ANKRD17: variants seen among roughly 807,000 people sequenced by gnomAD.
ANKRD17 encodes ankyrin repeat domain 17.
A neutral mutation model predicts 229.7 loss-of-function variants in ANKRD17; 19 were observed. The ratio of observed to expected loss-of-function variants is 0.08; its 90% CI spans 0.06 to 0.12. The LOEUF (loss-of-function observed/expected upper bound fraction) is 0.12, where lower values mean the gene tolerates loss of function less well. Among genes scored for constraint, ANKRD17 ranks in the 10% least tolerant of loss-of-function variants. The probability of loss-of-function intolerance (pLI) is 1.00; values close to 1 mark genes in which losing one functional copy is unlikely to be tolerated. For synonymous variants in ANKRD17, 1,112 were observed against 1,146.1 expected (o/e 0.97, Z 0.60); for missense variants, 2,176 against 3,176.8 (o/e 0.68, Z 7.57).
chr4:73,242,955 G>C (rs1044832720), intron 1 of ANKRD17, among the ~76,000 whole-genome samples: 2 of 152,110 alleles, frequency 1.3e-5, no homozygotes, highest in African/African-American at 2.4e-5. Flanking sequence ...AAAACTAAAA[G>C]GGAGGTAAAA....
At chr4:73,128,011 A>T (rs1373888006) in intron 16 of ANKRD17, among the ~76,000 whole-genome samples, 1 of 152,248 alleles carries the variant, frequency 6.6e-6, no homozygotes, top group African/African-American at 2.4e-5. Flanking sequence ...CTGACTGCAG[A>T]GATCAGGGAT....
chr4:73,250,032 A>C (rs1256113019), intron 1 of ANKRD17, among the ~76,000 whole-genome samples: 1 of 152,168 alleles, frequency 6.6e-6, no homozygotes, highest in African/African-American at 2.4e-5. Context: ...AATATACATA[A>C]TCTATTTTGT....
At chr4:73,241,449 A>T (rs544455587) in intron 1 of ANKRD17, among the ~76,000 whole-genome samples, 129 of 152,306 alleles carry the variant, frequency 8.5e-4, no homozygotes, top group Middle Eastern at 3.4e-3. Flanking sequence ...CACATGCTAC[A>T]ACATAAATGA....
In ANKRD17 at chr4:73,086,922, ATATATATAT is replaced by A. The variant is rs1722231626; in HGVS notation, c.6962-1485_6962-1477del. On this transcript the variant is annotated intron_variant, in intron 29 of 33. Transcript: ENST00000358602. ...CAAAAAAAAAAAAAAAAAAAAAAAT[ATATATATAT>A]ATATATATATATATATATATATCTG... Among the ~76,000 whole-genome samples, 16 of 50,956 alleles carry A rather than the reference ATATATATAT, an allele frequency of 3.1e-4. 2 individuals are homozygous for A. The highest frequency in any genetic ancestry group is 9.8e-4 in the Admixed American group (4 of 4,088). The allele number at this position is 50,956 out of a possible 152,430, so 33.4% of individuals were successfully genotyped here.
intron 18 of ANKRD17, among the ~76,000 whole-genome samples, 174 bp downstream of exon 18, chr4:73,124,739 C>G (rs1028315049): frequency 6.6e-6 from 1 of 152,078 alleles, no homozygotes; most frequent in African/African-American, 2.4e-5. Flanking sequence ...ATTTTTCTGG[C>G]AAGATAGCTT....
chr4:73,115,735 C>A, intron 23 of ANKRD17, 86 bp downstream of exon 23: 1 of 1,044,716 alleles, frequency 9.6e-7, no homozygotes, highest in Non-Finnish European at 1.4e-6. Flanking sequence ...ACATATTACA[C>A]TTTACTACTC....
chr4:73,207,091 T>A (rs1739566897), intron 1 of ANKRD17, among the ~76,000 whole-genome samples: 1 of 152,182 alleles, frequency 6.6e-6, no homozygotes, highest in South Asian at 2.1e-4. Context: ...CCCAAAGTGC[T>A]AGGATTACAG....
rs550667769 is a variant in ANKRD17, at chr4:73,102,417, T to G, written c.4532A>C (p.Glu1511Ala). The G allele has an allele frequency of 3.1e-6, 5 of 1,603,046 alleles. No homozygotes were observed. In the East Asian group the frequency reaches 8.9e-5, roughly 29 times the overall value. ...TTCTTTTTCTTGAGCAGCTTGGAGT[T>G]CAAAGTTCTCTTTATTTTTGGCTTC... ...EIEAKNKENF[E>A]LQAAQEKEKL... is the part of the protein sequence containing the mutation. Residue 1511 changes from glutamate (E) to alanine (A), a missense_variant, in exon 25 of 34, where the codon GAA becomes GCA. Glu to Ala is a moderately radical substitution (Grantham distance 107). Coordinates refer to ENST00000358602, the MANE Select transcript of ANKRD17 (RefSeq NM_032217.5).
At chr4:73,205,621 C>A (rs1739340404) in intron 1 of ANKRD17, among the ~76,000 whole-genome samples, 3 of 152,132 alleles carry the variant, frequency 2.0e-5, no homozygotes, top group Admixed American at 6.5e-5. Flanking sequence ...AACATAAGCA[C>A]TGAAACTGCA....
At chr4:73,179,484 G>GTATATATATATA (rs1287512668) in intron 1 of ANKRD17, among the ~76,000 whole-genome samples, 1 of 65,704 alleles carries the variant, frequency 1.5e-5, no homozygotes, top group Non-Finnish European at 2.8e-5. Context: ...GTGTGTGTGT[G>GTATATATATATA]TGTGTATATA....
chr4:73,258,796 ACTGCCGCCGCCGCC>A, exon 1 of ANKRD17: 1 of 1,078,892 alleles, frequency 9.3e-7, no homozygotes, highest in Non-Finnish European at 1.1e-6. Flanking sequence ...GGTCACCTCT[ACTGCCGCCGCCGCC>A]GCCGCCGCTC....
chr4:73,140,370 T>C, intron 14 of ANKRD17, 87 bp from the exon 15 acceptor site: 1 of 1,375,914 alleles, frequency 7.3e-7, no homozygotes, highest in Non-Finnish European at 9.7e-7. Context: ...TGCCAACAGT[T>C]ATGCACTAAG....
intron 1 of ANKRD17, among the ~76,000 whole-genome samples, chr4:73,212,272 A>G (rs1740381210): frequency 6.6e-6 from 1 of 152,232 alleles, no homozygotes; most frequent in Non-Finnish European, 1.5e-5. Context: ...AAATCAGACT[A>G]TAACACTAAA....
At chr4:73,127,146 T>A (rs538127826) in intron 16 of ANKRD17, among the ~76,000 whole-genome samples, 2 of 152,172 alleles carry the variant, frequency 1.3e-5, no homozygotes, top group African/African-American at 4.8e-5. Context: ...AATTCAGATA[T>A]ACTTTAAGTA....
intron 22 of ANKRD17, among the ~76,000 whole-genome samples, chr4:73,116,743 T>A (rs1417280355): frequency 6.6e-6 from 1 of 152,096 alleles, no homozygotes; most frequent in South Asian, 2.1e-4. Flanking sequence ...TGGGTATGGA[T>A]CTTACCTTTC....
intron 3 of ANKRD17, among the ~76,000 whole-genome samples, chr4:73,158,158 A>G (rs1167857070): frequency 3.6e-5 from 5 of 140,632 alleles, no homozygotes; most frequent in Non-Finnish European, 6.2e-5. Flanking sequence ...AAGAAAAAGA[A>G]AGAAAGAAAG....
chr4:73,220,620 T>C (rs557933112), intron 1 of ANKRD17, among the ~76,000 whole-genome samples: 9 of 152,132 alleles, frequency 5.9e-5, no homozygotes, highest in African/African-American at 2.2e-4. Flanking sequence ...ACTAATGATA[T>C]TGACTTTTGT....
intron 15 of ANKRD17, among the ~76,000 whole-genome samples, chr4:73,136,344 C>A (rs1378805661): frequency 6.6e-6 from 1 of 152,006 alleles, no homozygotes; most frequent in Non-Finnish European, 1.5e-5. Flanking sequence ...TGAAACCAGG[C>A]AAAAGAGATT....
chr4:73,168,504 A>C (rs1030708347), intron 2 of ANKRD17, among the ~76,000 whole-genome samples: 4 of 152,322 alleles, frequency 2.6e-5, no homozygotes, highest in African/African-American at 9.6e-5. Flanking sequence ...TAATATAATG[A>C]TCCACTTCAC....
Sources: gnomAD v4.1 joint callset for allele counts (sites outside exome capture counted in the v4.1 genomes callset) on GRCh38, gnomAD v4.1.1 for gene constraint, MANE v1.5 for transcripts, NCBI Gene and HGNC (gene_info 2026-07-23, HGNC 2026-07-21) for gene names.